GPM6A: variants seen among roughly 807,000 people sequenced by gnomAD.
GPM6A encodes glycoprotein M6A, also known as neuronal membrane glycoprotein M6-a.
Under a neutral mutation model 32.1 loss-of-function variants are expected in GPM6A, and 7 were observed. The observed-to-expected ratio is 0.22, with a 90% CI of 0.12 to 0.41. GPM6A has a LOEUF of 0.41. GPM6A is among the 10% of genes least tolerant of loss of function. The pLI is 1.00. For synonymous variants in GPM6A, 130 were observed against 123.4 expected (o/e 1.05, Z -0.35); for missense variants, 235 against 347.2 (o/e 0.68, Z 2.57).
At chr4:175,681,968 C>T (rs190142416) in intron 2 of GPM6A, among the ~76,000 whole-genome samples, 25 of 152,166 alleles carry the variant, frequency 1.6e-4, no homozygotes, top group East Asian at 5.8e-4. Context: ...GAGTTTGGAG[C>T]GCTCAGAAGA....
intron 1 of GPM6A, among the ~76,000 whole-genome samples, chr4:175,795,583 C>T (rs1210303323): frequency 1.3e-5 from 2 of 151,740 alleles, no homozygotes; most frequent in Non-Finnish European, 2.9e-5. Flanking sequence ...GACCCTATCT[C>T]TACAAAAACT....
chr4:175,688,149 C>G (rs748583284), intron 2 of GPM6A, among the ~76,000 whole-genome samples: 1 of 151,866 alleles, frequency 6.6e-6, no homozygotes, highest in Non-Finnish European at 1.5e-5. Context: ...TGTAGGCTGC[C>G]CTTTCACTCT....
intron 1 of GPM6A, among the ~76,000 whole-genome samples, chr4:175,898,022 A>C (rs1737848254): frequency 6.6e-6 from 1 of 152,184 alleles, no homozygotes; most frequent in Non-Finnish European, 1.5e-5. Flanking sequence ...CAAGATAACA[A>C]TACCTTAAAT....
At chr4:175,781,415 A>G (rs1255286401) in intron 1 of GPM6A, 1 of 152,146 alleles carries the variant, frequency 6.6e-6, no homozygotes, top group Non-Finnish European at 1.5e-5. Context: ...CATTAATGAC[A>G]TCCCTACTTC....
chr4:175,968,335 T>C (rs770649503), intron 1 of GPM6A, among the ~76,000 whole-genome samples: 5 of 152,184 alleles, frequency 3.3e-5, no homozygotes, highest in East Asian at 1.9e-4. Context: ...GGGGATGACA[T>C]AGGAGAAAAA....
At chr4:175,787,515 T>C in intron 1 of GPM6A, 1 of 1,453,014 alleles carries the variant, frequency 6.9e-7, no homozygotes, top group Non-Finnish European at 9.0e-7. Context: ...TTGTTCCACC[T>C]TTAGGTTGAT....
At chr4:175,750,043 CTT>C (rs1488124121) in intron 1 of GPM6A, among the ~76,000 whole-genome samples, 2 of 151,988 alleles carry the variant, frequency 1.3e-5, no homozygotes, top group African/African-American at 4.8e-5. Context: ...GTCCTCTAAT[CTT>C]TATTCGAAGT....
chr4:175,964,734 A>G (rs920836238), intron 1 of GPM6A, among the ~76,000 whole-genome samples: 1 of 152,206 alleles, frequency 6.6e-6, no homozygotes, highest in African/African-American at 2.4e-5. Flanking sequence ...CACACAATTC[A>G]GTCCATTACA....
rs556249376 is a variant in GPM6A, at chr4:175,993,580, T to C, written c.-23+8729A>G. 2.0e-5 allele frequency among the ~76,000 whole-genome samples: 3 copies of C among 152,330 alleles called. No homozygotes were observed. In the South Asian group the frequency reaches 6.2e-4, roughly 32 times the overall value. ...ACACTCATTCCACAGTTTTGCCTTC[T>C]TTCCTGTCTCCTGCAATGACCAATA... On this transcript the variant is annotated intron_variant, in intron 1 of 7. Coordinates refer to the GPM6A transcript ENST00000280187.
chr4:175,974,102 G>A (rs1294365448), intron 1 of GPM6A, among the ~76,000 whole-genome samples: 10 of 151,832 alleles, frequency 6.6e-5, no homozygotes, highest in South Asian at 4.2e-4. Flanking sequence ...GCGTGGTGGC[G>A]CACACCTGTA....
intron 1 of GPM6A, among the ~76,000 whole-genome samples, chr4:175,749,505 A>C (rs979526196): frequency 6.6e-6 from 1 of 152,204 alleles, no homozygotes; most frequent in Non-Finnish European, 1.5e-5. Flanking sequence ...CTGCATGTGT[A>C]AATAAATGTA....
At chr4:175,847,381 A>G (rs950243261) in intron 1 of GPM6A, among the ~76,000 whole-genome samples, 4 of 152,162 alleles carry the variant, frequency 2.6e-5, no homozygotes, top group Non-Finnish European at 4.4e-5. Context: ...ACAATTCATA[A>G]GTTTTAAATC....
intron 1 of GPM6A, among the ~76,000 whole-genome samples, chr4:175,718,909 T>A (rs1156304660): frequency 6.6e-6 from 1 of 152,116 alleles, no homozygotes; most frequent in African/African-American, 2.4e-5. Context: ...TAAATACTGA[T>A]TATGAATTCA....
intron 1 of GPM6A, among the ~76,000 whole-genome samples, chr4:175,817,307 C>T (rs1000384864): frequency 4.6e-5 from 7 of 152,204 alleles, no homozygotes; most frequent in East Asian, 3.8e-4. Context: ...AGTATCATTA[C>T]CCCATTTCCT....
At chr4:175,962,208 C>T (rs1740189309) in intron 1 of GPM6A, 2 of 1,273,138 alleles carry the variant, frequency 1.6e-6, no homozygotes, top group Non-Finnish European at 2.3e-6. Context: ...GTATTGGAGT[C>T]AGTTCATGAT....
intron 1 of GPM6A, among the ~76,000 whole-genome samples, chr4:175,955,310 C>G (rs1408691856): frequency 2.6e-5 from 4 of 152,142 alleles, no homozygotes; most frequent in Non-Finnish European, 5.9e-5. Context: ...GTGTCCTTTG[C>G]TTTATTCAAC....
chr4:175,973,735 G>T (rs1740574931), intron 1 of GPM6A, among the ~76,000 whole-genome samples: 1 of 152,142 alleles, frequency 6.6e-6, no homozygotes, highest in African/African-American at 2.4e-5. Context: ...GCTAAGAAGG[G>T]TCTAGAAAGA....
chr4:175,978,818 CTAAG>C (rs10540163), intron 1 of GPM6A, among the ~76,000 whole-genome samples: 5,409 of 152,214 alleles, frequency 0.036, 202 homozygotes, highest in African/African-American at 0.1. Flanking sequence ...TAAAAGCTCT[CTAAG>C]TGAGTCTGAT....
In GPM6A at chr4:175,778,050, T is replaced by C. The variant is rs140492881; in HGVS notation, c.37+34141A>G. 3.3e-5 allele frequency among the ~76,000 whole-genome samples: 5 copies of C among 152,296 alleles called. No homozygotes were observed. In the East Asian group the frequency reaches 9.7e-4, roughly 29 times the overall value. ...CAGCATAATGGAGCACAGATTTGCA[T>C]GTAATCTGCTTACCTTTCACCATTT... On this transcript the variant is annotated intron_variant, in intron 1 of 6. Transcript: ENST00000393658.
Sources: gnomAD v4.1 joint callset for allele counts (sites outside exome capture counted in the v4.1 genomes callset) on GRCh38, gnomAD v4.1.1 for gene constraint, MANE v1.5 for transcripts, NCBI Gene and HGNC (gene_info 2026-07-23, HGNC 2026-07-21) for gene names.